Variants in ESRRG observed in about 807,000 individuals in gnomAD.
ESRRG encodes the protein estrogen-related receptor gamma.
In ESRRG, 13 loss-of-function variants were observed where a neutral mutation model predicts 44.0. That is an observed-to-expected ratio of 0.30 (90% confidence interval 0.19 to 0.47). The LOEUF is 0.47. Ranked by LOEUF, ESRRG falls within the 20% of genes least tolerant of loss-of-function variation. The pLI, the probability that ESRRG is intolerant of heterozygous loss-of-function variation, is 1.00. For missense variants in ESRRG, 395 were observed against 580.6 expected (o/e 0.68, Z 3.29); for synonymous variants, 215 against 214.6 (o/e 1.00, Z -0.02).
At chr1:216,533,817 A>C (rs2050111818) in intron 5 of ESRRG, among the ~76,000 whole-genome samples, 1 of 152,162 alleles carries the variant, frequency 6.6e-6, no homozygotes, top group Non-Finnish European at 1.5e-5. Flanking sequence ...TTAATTTCTG[A>C]AAGAGCCACG....
chr1:216,767,488 T>G (rs1411284174), intron 2 of ESRRG, among the ~76,000 whole-genome samples: 2 of 152,132 alleles, frequency 1.3e-5, no homozygotes, highest in Non-Finnish European at 2.9e-5. Context: ...ATACTGAGTT[T>G]TTGTCAGCTA....
chr1:217,125,356 C>T (rs2092876364), intron 1 of ESRRG, among the ~76,000 whole-genome samples: 1 of 152,138 alleles, frequency 6.6e-6, no homozygotes, highest in South Asian at 2.1e-4. Flanking sequence ...CAGATATTTG[C>T]AGTACATAAT....
chr1:216,925,481 C>T (rs573204870), intron 2 of ESRRG, among the ~76,000 whole-genome samples: 23 of 152,238 alleles, frequency 1.5e-4, no homozygotes, highest in Non-Finnish European at 2.8e-4. Flanking sequence ...TTGAGACAAG[C>T]GAGACAGCAG....
chr1:216,637,814 T>C lies in ESRRG; in HGVS notation c.589+13159A>G, dbSNP rs180864281. 6.0e-4 allele frequency among the ~76,000 whole-genome samples: 92 copies of C among 152,230 alleles called. 1 individual carries two copies. Among genetic ancestry groups the C allele is most frequent in the African/African-American group, 1.9e-3 (80 of 41,562 alleles). ...CTTTTTTTGGATACCAATTGCTATA[T>C]TGTCAGTGTAGTCAATATACTTTTA... On this transcript the variant is annotated intron_variant, in intron 3 of 6. Coordinates refer to ENST00000408911, the MANE Select transcript of ESRRG (RefSeq NM_001438.4).
intron 1 of ESRRG, among the ~76,000 whole-genome samples, chr1:216,982,501 A>G (rs1465402185): frequency 1.3e-5 from 2 of 152,044 alleles, no homozygotes; most frequent in Non-Finnish European, 1.5e-5. Context: ...TGCCCAACCA[A>G]CACTGTACTC....
chr1:217,017,464 G>T (rs1579547582), intron 1 of ESRRG, among the ~76,000 whole-genome samples: 2 of 77,394 alleles, frequency 2.6e-5, no homozygotes, highest in African/African-American at 6.1e-5. Context: ...AGAGAAAAGA[G>T]AATCTACATA....
intron 2 of ESRRG, among the ~76,000 whole-genome samples, chr1:216,662,105 G>A (rs1015783978): frequency 3.3e-5 from 5 of 152,118 alleles, no homozygotes; most frequent in Non-Finnish European, 7.4e-5. Flanking sequence ...GACAGGGAGT[G>A]AGTATTGATT....
chr1:216,776,461 C>T (rs1380994113), intron 2 of ESRRG, among the ~76,000 whole-genome samples: 5 of 152,042 alleles, frequency 3.3e-5, no homozygotes, highest in East Asian at 1.9e-4. Flanking sequence ...CTATCATAAT[C>T]GCCTGTTCAT....
intron 3 of ESRRG, among the ~76,000 whole-genome samples, chr1:216,634,402 A>ATT (rs5780900): frequency 6.7e-6 from 1 of 149,222 alleles, no homozygotes; most frequent in African/African-American, 2.5e-5. Flanking sequence ...GTGGGCTTTT[A>ATT]TTTTTTTTTT....
chr1:216,634,776 G>A (rs1175199074), intron 3 of ESRRG, among the ~76,000 whole-genome samples: 2 of 152,152 alleles, frequency 1.3e-5, no homozygotes, highest in African/African-American at 4.8e-5. Context: ...ATGGGAGGAT[G>A]CGTGTGGGTT....
chr1:216,914,144 T>C (rs1202277717), intron 2 of ESRRG, among the ~76,000 whole-genome samples: 2 of 152,106 alleles, frequency 1.3e-5, no homozygotes, highest in Non-Finnish European at 2.9e-5. Context: ...CCTGTACTGC[T>C]ATTTCCATGA....
intron 3 of ESRRG, among the ~76,000 whole-genome samples, chr1:216,616,810 C>T (rs905504852): frequency 2.0e-5 from 3 of 152,096 alleles, no homozygotes; most frequent in African/African-American, 7.2e-5. Context: ...GTAAGCACAA[C>T]GGGAGGAAAG....
chr1:217,093,885 T>A (rs145387151), upstream of ESRRG, among the ~76,000 whole-genome samples: 1 of 151,874 alleles, frequency 6.6e-6, no homozygotes, highest in East Asian at 1.9e-4. Context: ...TTATTAATAA[T>A]AAAATATTAT....
intron 5 of ESRRG, among the ~76,000 whole-genome samples, chr1:216,552,534 C>T (rs866921827): frequency 6.6e-6 from 1 of 152,148 alleles, no homozygotes; most frequent in Non-Finnish European, 1.5e-5. Flanking sequence ...ACTTGGCCTG[C>T]GTTAGCTCAT....
intron 1 of ESRRG, among the ~76,000 whole-genome samples, chr1:216,942,414 C>T (rs536724829): frequency 3.9e-5 from 6 of 152,160 alleles, no homozygotes; most frequent in Admixed American, 3.3e-4. Context: ...ATTTCTTTTC[C>T]TTTGAGTATA....
At chr1:216,959,968 T>C (rs2068709986) in intron 1 of ESRRG, among the ~76,000 whole-genome samples, 1 of 152,084 alleles carries the variant, frequency 6.6e-6, no homozygotes. Context: ...ATAAGAACAT[T>C]GAGGCTTAGG....
At chr1:217,051,363 T>C (rs999153316) in intron 1 of ESRRG, among the ~76,000 whole-genome samples, 1 of 152,164 alleles carries the variant, frequency 6.6e-6, no homozygotes, top group Non-Finnish European at 1.5e-5. Flanking sequence ...ACGCTTACAA[T>C]GACTGACTCT....
intron 1 of ESRRG, among the ~76,000 whole-genome samples, chr1:217,095,526 G>A (rs930173761): frequency 6.6e-6 from 1 of 152,176 alleles, no homozygotes; most frequent in Non-Finnish European, 1.5e-5. Context: ...CCGGACCTTG[G>A]CAGTGGGGAG....
intron 1 of ESRRG, among the ~76,000 whole-genome samples, chr1:216,688,607 T>C (rs939918993): frequency 1.3e-5 from 2 of 152,150 alleles, no homozygotes; most frequent in Non-Finnish European, 2.9e-5. Context: ...TGGTGACTTA[T>C]GTGAAGCAGG....
Sources: allele counts gnomAD v4.1 joint callset (sites outside exome capture counted in the v4.1 genomes callset), GRCh38; gene constraint gnomAD v4.1.1; transcripts MANE v1.5; gene names NCBI Gene and HGNC (gene_info 2026-07-23, HGNC 2026-07-21).